MIGA1: variants seen among roughly 807,000 people sequenced by gnomAD.
MIGA1 encodes the protein mitoguardin 1, also known as family with sequence similarity 73, member A.
Under a neutral mutation model 82.0 loss-of-function variants are expected in MIGA1, and 58 were observed. The observed-to-expected ratio is 0.71, with a 90% CI of 0.57 to 0.88. MIGA1 has a LOEUF of 0.88. Ranked by LOEUF, MIGA1 falls within the 40% of genes least tolerant of loss-of-function variation. The pLI is 0.00. For missense variants in MIGA1, 751 were observed against 749.1 expected, an observed-to-expected ratio of 1.00 and a Z score of -0.03; for synonymous variants, 249 against 253.6, an observed-to-expected ratio of 0.98 and a Z score of 0.17.
At chr1:77,871,431 G>A (rs542296357) in intron 14 of MIGA1, among the ~76,000 whole-genome samples, 4 of 151,834 alleles carry the variant, frequency 2.6e-5, no homozygotes, top group African/African-American at 7.3e-5. Flanking sequence ...GAACCCGGGA[G>A]GCAGAGGTTG....
At chr1:77,819,941 C>A (rs1282707137) in intron 7 of MIGA1, among the ~76,000 whole-genome samples, 1 of 152,046 alleles carries the variant, frequency 6.6e-6, no homozygotes, top group East Asian at 1.9e-4. Context: ...GGACAGACGT[C>A]TTCCTTGAAT....
intron 7 of MIGA1, among the ~76,000 whole-genome samples, chr1:77,841,848 G>T (rs1684641829): frequency 6.7e-6 from 1 of 149,618 alleles, no homozygotes; most frequent in South Asian, 2.1e-4. Context: ...ATCCAGGCTG[G>T]AGTGCAGTGG....
intron 8 of MIGA1, chr1:77,847,949 G>A (rs536397831): frequency 2.5e-5 from 33 of 1,299,074 alleles, no homozygotes; most frequent in Middle Eastern, 3.7e-4. Flanking sequence ...GGAAAAGGTC[G>A]TAGAGACCCC....
At chr1:77,847,388 T>G in intron 8 of MIGA1, 1 of 1,165,536 alleles carries the variant, frequency 8.6e-7, no homozygotes, top group Non-Finnish European at 1.3e-6. Flanking sequence ...CTAAATTGCT[T>G]TTGGGGAAAG....
intron 14 of MIGA1, among the ~76,000 whole-genome samples, chr1:77,866,746 C>T (rs534286785): frequency 5.4e-5 from 8 of 147,550 alleles, no homozygotes; most frequent in East Asian, 2.0e-4. Flanking sequence ...TGTGGTGGCG[C>T]GATCCTGGCT....
intron 7 of MIGA1, among the ~76,000 whole-genome samples, chr1:77,817,431 A>G (rs766520103): frequency 6.6e-6 from 1 of 152,192 alleles, no homozygotes; most frequent in Non-Finnish European, 1.5e-5. Flanking sequence ...TAGGTTTGGA[A>G]TAAGTTCCTG....
rs1683465257 is a variant in MIGA1, at chr1:77,813,830, TG to T, written c.737del (p.Gly246ValfsTer11). ...GATGAAGCCTGTGGTTCCATTAAAC[TG>T]GGTGCAGGAGATGCCATTGCTGAAG... On this transcript the variant is annotated frameshift_variant, in exon 6 of 16. Coordinates refer to ENST00000370791, the MANE Select transcript of MIGA1 (RefSeq NM_198549.4). LOFTEE classifies it high-confidence loss of function. The T allele has an allele frequency of 6.2e-7, 1 of 1,614,120 alleles. No individual in the cohort carries two copies. Among genetic ancestry groups the T allele is most frequent in the African/African-American group, 1.3e-5 (1 of 74,952 alleles).
At chr1:77,861,482 C>T (rs1685451595) in intron 12 of MIGA1, 160 bp downstream of exon 12, 2 of 552,020 alleles carry the variant, frequency 3.6e-6, no homozygotes, top group South Asian at 2.5e-5. Flanking sequence ...ACTCCTTGTA[C>T]GTTGGGGCAG....
chr1:77,828,787 C>T (rs1684126297), intron 7 of MIGA1, among the ~76,000 whole-genome samples: 1 of 152,184 alleles, frequency 6.6e-6, no homozygotes, highest in Non-Finnish European at 1.5e-5. Context: ...ATCCTCCCAC[C>T]TCAGCCTTCC....
chr1:77,782,783 G>A (rs1681980760), intron 1 of MIGA1: 1 of 707,340 alleles, frequency 1.4e-6, no homozygotes, highest in Non-Finnish European at 1.7e-6. Flanking sequence ...AGTGAACTCT[G>A]AGGTTCTAGC....
intron 8 of MIGA1, chr1:77,848,175 A>T: frequency 7.0e-7 from 1 of 1,429,304 alleles, no homozygotes; most frequent in South Asian, 1.2e-5. Flanking sequence ...TAGGCACAGG[A>T]GACCAGTCAT....
intron 7 of MIGA1, among the ~76,000 whole-genome samples, chr1:77,818,209 C>T (rs963460191): frequency 3.3e-5 from 5 of 151,594 alleles, no homozygotes; most frequent in South Asian, 4.2e-4. Flanking sequence ...CCGCAACCTC[C>T]GCCTCCCAGG....
At chr1:77,786,439 C>G (rs1682164328) in intron 2 of MIGA1, among the ~76,000 whole-genome samples, 2 of 152,200 alleles carry the variant, frequency 1.3e-5, no homozygotes, top group African/African-American at 4.8e-5. Context: ...ATTTTCTTTT[C>G]TATGGCATTG....
chr1:77,805,464 T>TTC (rs1683059525), intron 4 of MIGA1, among the ~76,000 whole-genome samples: 1 of 147,478 alleles, frequency 6.8e-6, no homozygotes, highest in Non-Finnish European at 1.5e-5. Flanking sequence ...GCCTATTCTT[T>TTC]TTTTTTTTTT....
Position 77,843,405 on chromosome 1 carries a change from G to T in MIGA1, c.994G>T (p.Glu332Ter). The stretch of plus-strand genomic sequence containing the variant: ...CACGGATTCCTTTGCTTCCGCAGCA[G>T]AGGTAGGACATATGTGTTCCTAATG... Residue 332 changes from glutamate to a stop codon, truncating the protein, a stop_gained and splice_region_variant, in exon 8 of 16, where the codon GAG becomes TAG. Coordinates refer to ENST00000370791, the MANE Select transcript of MIGA1 (RefSeq NM_198549.4). LOFTEE classifies it high-confidence loss of function. 6.2e-7 allele frequency: 1 copy of T among 1,611,874 alleles called. No individual in the cohort carries two copies. The highest frequency in any genetic ancestry group is 8.5e-7 in the Non-Finnish European group (1 of 1,177,964).
chr1:77,786,925 A>G (rs1025779633), intron 2 of MIGA1, among the ~76,000 whole-genome samples: 1 of 152,166 alleles, frequency 6.6e-6, no homozygotes, highest in African/African-American at 2.4e-5. Flanking sequence ...AATTTACTGT[A>G]TTAGTCCATT....
intron 2 of MIGA1, among the ~76,000 whole-genome samples, chr1:77,791,559 GTTTT>G (rs71075763): frequency 9.6e-5 from 12 of 124,678 alleles, no homozygotes; most frequent in African/African-American, 1.2e-4. Context: ...AGATATTTAA[GTTTT>G]TTTTTTTTTT....
chr1:77,838,157 A>G (rs567702576), intron 7 of MIGA1, among the ~76,000 whole-genome samples: 2 of 152,170 alleles, frequency 1.3e-5, no homozygotes, highest in Admixed American at 6.5e-5. Flanking sequence ...CTTAGAGGAA[A>G]GTGCACAAAG....
Position 77,876,359 on chromosome 1 carries a change from A to G in MIGA1, c.*1295A>G, listed in dbSNP as rs1646893643. The stretch of plus-strand genomic sequence containing the variant: ...GCATTTAAATGAATTGACATTGAGA[A>G]ATTTACAATTTACAAATTTATATTA... On this transcript the variant is annotated 3_prime_UTR_variant, in exon 16 of 16. Transcript: ENST00000370791. The G allele has an allele frequency of 6.6e-6, 1 of 152,196 alleles. No individual in the cohort carries two copies. Among genetic ancestry groups the G allele is most frequent in the Admixed American group, 6.5e-5 (1 of 15,276 alleles). The allele number at this position is 152,196 out of a possible 1,614,324, so 9.4% of individuals were successfully genotyped here.
Sources: allele counts gnomAD v4.1 joint callset (sites outside exome capture counted in the v4.1 genomes callset), GRCh38; gene constraint gnomAD v4.1.1; transcripts MANE v1.5; gene names NCBI Gene and HGNC (gene_info 2026-07-23, HGNC 2026-07-21).